F13A1: variants seen among roughly 807,000 people sequenced by gnomAD.
The protein encoded by F13A1 is coagulation factor XIII A chain.
Under a neutral mutation model 80.1 loss-of-function variants are expected in F13A1, and 47 were observed. The ratio of observed to expected loss-of-function variants is 0.59; its 90% confidence interval spans 0.46 to 0.75. The LOEUF is 0.75. Ranked by LOEUF, F13A1 falls within the 30% of genes least tolerant of loss-of-function variation. The pLI is 0.00. For missense variants in F13A1, 817 were observed against 930.4 expected (o/e 0.88, Z 1.59); for synonymous variants, 349 against 344.9 (o/e 1.01, Z -0.13).
chr6:6,240,992 C>T (rs2113087898), intron 6 of F13A1, among the ~76,000 whole-genome samples: 1 of 152,248 alleles, frequency 6.6e-6, no homozygotes. Flanking sequence ...TAATATAAAT[C>T]AGTGGATTCT....
chr6:6,222,911 T>TC (rs1158629191), intron 7 of F13A1, among the ~76,000 whole-genome samples: 3 of 151,992 alleles, frequency 2.0e-5, no homozygotes, highest in African/African-American at 7.3e-5. Context: ...GATTCAAGGG[T>TC]CCCCCTCCTT....
chr6:6,270,388 C>T (rs1757905217), intron 3 of F13A1, among the ~76,000 whole-genome samples: 1 of 152,178 alleles, frequency 6.6e-6, no homozygotes, highest in South Asian at 2.1e-4. Context: ...CTAAATTCCC[C>T]ACAGTCTCAG....
intron 4 of F13A1, among the ~76,000 whole-genome samples, chr6:6,256,397 C>T (rs528483654): frequency 1.3e-5 from 2 of 152,270 alleles, no homozygotes; most frequent in African/African-American, 4.8e-5. Flanking sequence ...TACGATAAAA[C>T]TCTGAGAAAA....
At chr6:6,300,490 G>A (rs1758410205) in intron 3 of F13A1, among the ~76,000 whole-genome samples, 2 of 152,204 alleles carry the variant, frequency 1.3e-5, no homozygotes, top group African/African-American at 2.4e-5. Flanking sequence ...ATTGGGGTGG[G>A]AGTGACCCCA....
intron 11 of F13A1, among the ~76,000 whole-genome samples, chr6:6,176,595 C>T (rs964892832): frequency 6.6e-6 from 1 of 152,056 alleles, no homozygotes; most frequent in African/African-American, 2.4e-5. Context: ...AAGAATGTGC[C>T]AGGAACAGTT....
At chr6:6,147,026 C>T (rs889976213) in intron 14 of F13A1, among the ~76,000 whole-genome samples, 1 of 152,160 alleles carries the variant, frequency 6.6e-6, no homozygotes, top group African/African-American at 2.4e-5. Context: ...AAACTGGAGA[C>T]CAGTATTCTA....
At chr6:6,210,324 G>GATATATATATACATATATATATATATAT (rs1761580899) in intron 8 of F13A1, among the ~76,000 whole-genome samples, 1 of 82,906 alleles carries the variant, frequency 1.2e-5, no homozygotes, top group Non-Finnish European at 2.3e-5. Context: ...TGTAGCATGT[G>GATATATATATACATATATATATATATAT]ATATATATAT....
intron 10 of F13A1, among the ~76,000 whole-genome samples, chr6:6,186,042 G>C (rs1459074014): frequency 6.6e-6 from 1 of 151,044 alleles, no homozygotes; most frequent in African/African-American, 2.4e-5. Context: ...GTCTGTTCAT[G>C]TCCTTCACCC....
In F13A1 at chr6:6,320,589, G is replaced by A. The variant is rs1385189775; in HGVS notation, c.-21C>T. 4.3e-6 allele frequency: 2 copies of A among 468,700 alleles called. No homozygotes were observed. Among genetic ancestry groups the A allele is most frequent in the Non-Finnish European group, 8.9e-6 (2 of 225,716 alleles). 29.0% of individuals were successfully genotyped at this position (468,700 alleles called of 1,614,324 possible). ...AGGGTGCAGGGTCGGTGGCTTACCT[G>A]CAGGCGCTCCCCTCCAGAGGTGCCC... is the stretch of plus-strand genomic sequence containing the variant. On this transcript the variant is annotated splice_region_variant and 5_prime_UTR_variant, in exon 1 of 15. Transcript: ENST00000264870.
intron 8 of F13A1, among the ~76,000 whole-genome samples, chr6:6,198,744 T>TAATA: frequency 6.6e-6 from 1 of 152,334 alleles, no homozygotes; most frequent in Non-Finnish European, 1.5e-5. Flanking sequence ...TTAAATAAGC[T>TAATA]AATACATGTA....
chr6:6,159,284 A>G (rs1479512820), intron 13 of F13A1, among the ~76,000 whole-genome samples: 2 of 152,036 alleles, frequency 1.3e-5, no homozygotes, highest in Non-Finnish European at 2.9e-5. Context: ...CACCACAGCC[A>G]CCCACCCTTC....
chr6:6,211,593 T>C (rs1188256732), intron 8 of F13A1, among the ~76,000 whole-genome samples: 1 of 152,230 alleles, frequency 6.6e-6, no homozygotes, highest in African/African-American at 2.4e-5. Flanking sequence ...GAAGATAATT[T>C]TACAATATAA....
intron 6 of F13A1, among the ~76,000 whole-genome samples, chr6:6,226,893 G>A (rs1351504752): frequency 2.0e-5 from 3 of 152,152 alleles, no homozygotes; most frequent in Non-Finnish European, 4.4e-5. Flanking sequence ...CTGAGGAAGG[G>A]AGTTATCAGT....
intron 13 of F13A1, among the ~76,000 whole-genome samples, chr6:6,152,869 T>G (rs539825510): frequency 2.0e-5 from 3 of 152,354 alleles, no homozygotes; most frequent in South Asian, 4.1e-4. Context: ...ACCAAATGAA[T>G]GGATCTGTAT....
intron 13 of F13A1, among the ~76,000 whole-genome samples, chr6:6,157,806 G>A (rs1452416150): frequency 6.6e-6 from 1 of 152,170 alleles, no homozygotes; most frequent in African/African-American, 2.4e-5. Flanking sequence ...TTATTCTCAT[G>A]TGTGTCTCTT....
chr6:6,248,009 A>G (rs1178610127), intron 6 of F13A1, among the ~76,000 whole-genome samples: 1 of 152,234 alleles, frequency 6.6e-6, no homozygotes, highest in Non-Finnish European at 1.5e-5. Context: ...CATTTTTGTC[A>G]TGATCACTCC....
intron 8 of F13A1, among the ~76,000 whole-genome samples, chr6:6,220,541 CTGTGTGTGTGTGTCTGTGTGTCTGTCTG>C (rs1757177059): frequency 6.6e-6 from 1 of 150,516 alleles, no homozygotes; most frequent in Admixed American, 6.6e-5. Context: ...GCTACAAAGG[CTGTGTGTGTGTGTCTGTGTGTCTGTCTG>C]TGTGTGTGTG....
intron 4 of F13A1, among the ~76,000 whole-genome samples, chr6:6,254,749 G>A (rs1396347454): frequency 1.3e-5 from 2 of 152,098 alleles, no homozygotes; most frequent in African/African-American, 4.8e-5. Context: ...TCAATTAATT[G>A]CCAATTAAAA....
chr6:6,234,444 G>A (rs4123803), intron 6 of F13A1, among the ~76,000 whole-genome samples: 3,974 of 152,072 alleles, frequency 0.026, 182 homozygotes, highest in African/African-American at 0.09. Context: ...ATTAGGGGCT[G>A]AGTCAAACAA....
Sources: allele counts gnomAD v4.1 joint callset (sites outside exome capture counted in the v4.1 genomes callset), GRCh38; gene constraint gnomAD v4.1.1; transcripts MANE v1.5; gene names NCBI Gene and HGNC (gene_info 2026-07-23, HGNC 2026-07-21).